The following RPS6KA3 variants were observed in gnomAD, a reference collection of about 807,000 sequenced individuals.
The protein encoded by RPS6KA3 is ribosomal protein S6 kinase alpha-3.
In RPS6KA3, 4 loss-of-function variants were observed where a neutral mutation model predicts 67.2. The ratio of observed to expected loss-of-function variants is 0.06; its 90% CI spans 0.03 to 0.14. The LOEUF is 0.14. Among genes scored for constraint, RPS6KA3 ranks in the 10% least tolerant of loss-of-function variants. The pLI is 1.00. For missense variants in RPS6KA3, 204 were observed against 559.0 expected (o/e 0.36, Z 6.40); for synonymous variants, 182 against 183.7 (o/e 0.99, Z 0.07).
At chrX:20,161,024 G>A (rs1433240058) in intron 20 of RPS6KA3, among the ~76,000 whole-genome samples, 1 of 111,653 alleles carries the variant, frequency 9.0e-6, no homozygotes, top group African/African-American at 3.3e-5. Context: ...TGGAGAGCAA[G>A]TCAGTGCTAT....
intron 2 of RPS6KA3, among the ~76,000 whole-genome samples, chrX:20,229,502 C>T (rs1258072184): frequency 2.7e-5 from 3 of 111,499 alleles, no homozygotes; most frequent in Admixed American, 9.5e-5. Flanking sequence ...CCAAAAGATG[C>T]GGCTAAGCTC....
intron 2 of RPS6KA3, among the ~76,000 whole-genome samples, chrX:20,209,649 T>C (rs1186067579): frequency 2.7e-5 from 3 of 111,909 alleles, no homozygotes; most frequent in Admixed American, 1.9e-4. Context: ...GCCTACTACA[T>C]AGGCCAATTT....
At chrX:20,240,997 T>G (rs2147013018) in intron 1 of RPS6KA3, among the ~76,000 whole-genome samples, 1 of 111,165 alleles carries the variant, frequency 9.0e-6, no homozygotes, top group Admixed American at 9.5e-5. Context: ...TGTATTAATT[T>G]TATAAAGAGA....
At position 20,255,507 on chromosome X, in the gene RPS6KA3, C is replaced by G. The variant is rs770363214; in HGVS notation, c.69+11057G>C. Among the ~76,000 whole-genome samples, 4 of 112,004 alleles carry G rather than the reference C, an allele frequency of 3.6e-5. No individual in the cohort carries two copies. The East Asian group carries it at 1.1e-3, about 31-fold the overall frequency. On this transcript the variant is annotated intron_variant, in intron 1 of 21. Transcript: ENST00000379565. ...TATCTCAATTAAAAAAGGAATTAGG[C>G]TGGGTAAGGTGGCTCATGCCTGTAA...
At chrX:20,247,117 G>A (rs1210807668) in intron 1 of RPS6KA3, among the ~76,000 whole-genome samples, 1 of 112,367 alleles carries the variant, frequency 8.9e-6, no homozygotes, top group Non-Finnish European at 1.9e-5. Flanking sequence ...TATTTATTAA[G>A]CATAAATAAA....
chrX:20,251,282 C>A (rs1392561575), intron 1 of RPS6KA3, among the ~76,000 whole-genome samples: 7 of 112,213 alleles, frequency 6.2e-5, no homozygotes, highest in African/African-American at 2.3e-4. Flanking sequence ...CAGGCACGTG[C>A]CACCATGCCT....
intron 2 of RPS6KA3, among the ~76,000 whole-genome samples, chrX:20,222,305 T>G (rs2069005099): frequency 8.9e-6 from 1 of 111,949 alleles, no homozygotes; most frequent in Non-Finnish European, 1.9e-5. Flanking sequence ...AGGGCCATAT[T>G]AAGTGAGGCC....
chrX:20,254,697 C>T (rs768966195), intron 1 of RPS6KA3, among the ~76,000 whole-genome samples: 4 of 112,185 alleles, frequency 3.6e-5, no homozygotes, highest in Non-Finnish European at 7.5e-5. Flanking sequence ...AAAATAAGCA[C>T]GTGAATTATG....
At chrX:20,263,274 C>T (rs2070284150) in intron 1 of RPS6KA3, among the ~76,000 whole-genome samples, 4 of 111,969 alleles carry the variant, frequency 3.6e-5, no homozygotes, top group Non-Finnish European at 5.6e-5. Flanking sequence ...CCACTAAATG[C>T]TGTCTCTGAC....
At chrX:20,263,036 C>T (rs1603433562) in intron 1 of RPS6KA3, among the ~76,000 whole-genome samples, 1 of 111,345 alleles carries the variant, frequency 9.0e-6, no homozygotes, top group African/African-American at 3.3e-5. Flanking sequence ...ATCATGGGTA[C>T]CTGTTATTTA....
chrX:20,163,721 T>G (rs1337645225), intron 18 of RPS6KA3, among the ~76,000 whole-genome samples: 1 of 110,778 alleles, frequency 9.0e-6, no homozygotes, highest in Non-Finnish European at 1.9e-5. Flanking sequence ...CAGGCTGGAG[T>G]GCAGTGGCGC....
chrX:20,159,949 A>G (rs2067269381), intron 20 of RPS6KA3, among the ~76,000 whole-genome samples: 1 of 111,485 alleles, frequency 9.0e-6, no homozygotes, highest in African/African-American at 3.3e-5. Context: ...TTCATCAGCT[A>G]TCCTCTCCCA....
intron 2 of RPS6KA3, among the ~76,000 whole-genome samples, chrX:20,227,932 T>C (rs1603429981): frequency 9.0e-6 from 1 of 111,596 alleles, no homozygotes; most frequent in East Asian, 2.8e-4. Flanking sequence ...AGATGTTAGA[T>C]TGCTCTTCTT....
At chrX:20,256,172 CAAAAAAAAA>C (rs35947983) in intron 1 of RPS6KA3, among the ~76,000 whole-genome samples, 1 of 14,465 alleles carries the variant, frequency 6.9e-5, no homozygotes, top group Admixed American at 1.3e-3. Flanking sequence ...GACACCGTCT[CAAAAAAAAA>C]AAAAAAAAAA....
intron 1 of RPS6KA3, among the ~76,000 whole-genome samples, chrX:20,238,393 T>C (rs1328795636): frequency 9.0e-6 from 1 of 111,560 alleles, no homozygotes; most frequent in Non-Finnish European, 1.9e-5. Flanking sequence ...ACACCCTGCA[T>C]ACCTGTTGTT....
At chrX:20,246,090 C>A (rs2069679476) in intron 1 of RPS6KA3, among the ~76,000 whole-genome samples, 2 of 94,596 alleles carry the variant, frequency 2.1e-5, no homozygotes, top group Non-Finnish European at 4.1e-5. Flanking sequence ...TGCACTCCAG[C>A]ATGGGCAATG....
At chrX:20,164,518 C>T (rs1028531348) in intron 18 of RPS6KA3, among the ~76,000 whole-genome samples, 2 of 108,316 alleles carry the variant, frequency 1.8e-5, no homozygotes, top group African/African-American at 6.7e-5. Flanking sequence ...TCCTGAGTAG[C>T]TGAGACTACA....
rs979939371 is a variant in RPS6KA3, at chrX:20,152,949, A to G, written c.*2449T>C. The G allele has an allele frequency of 5.9e-4, 66 of 111,635 alleles. No individual in the cohort carries two copies. The highest frequency in any genetic ancestry group is 2.1e-3 in the African/African-American group (66 of 30,717). 9.2% of individuals were successfully genotyped at this position (111,635 alleles called of 1,213,427 possible). On this transcript the variant is annotated 3_prime_UTR_variant, in exon 22 of 22. Coordinates refer to ENST00000379565, the MANE Select transcript of RPS6KA3 (RefSeq NM_004586.3). ...AGGCAGCATGGTGTGATGAGGCGGAAAAAAACAAAATGGGGAGAAGTTAAG... is the reference window on the plus strand; with the variant it reads ...AGGCAGCATGGTGTGATGAGGCGGAGAAAAACAAAATGGGGAGAAGTTAAG...
chrX:20,238,448 A>C (rs1022214979), intron 1 of RPS6KA3, among the ~76,000 whole-genome samples: 1 of 111,306 alleles, frequency 9.0e-6, no homozygotes, highest in Non-Finnish European at 1.9e-5. Context: ...TTTTTGATTC[A>C]TCTTTTTCCA....
Sources: allele counts gnomAD v4.1 joint callset (sites outside exome capture counted in the v4.1 genomes callset), GRCh38; gene constraint gnomAD v4.1.1; transcripts MANE v1.5; gene names NCBI Gene and HGNC (gene_info 2026-07-23, HGNC 2026-07-21).